Variants in SPOP observed in about 807,000 individuals in gnomAD.
The protein encoded by SPOP is speckle type BTB/POZ protein.
Under a neutral mutation model 45.6 loss-of-function variants are expected in SPOP, and 11 were observed. The observed-to-expected ratio is 0.24, with a 90% CI of 0.15 to 0.40. The LOEUF (loss-of-function observed/expected upper bound fraction) is 0.40. Among genes scored for constraint, SPOP ranks in the 10% least tolerant of loss-of-function variants. SPOP has a pLI of 1.00. For synonymous variants in SPOP, 166 were observed against 166.3 expected (o/e 1.00, Z 0.01); for missense variants, 152 against 465.6 (o/e 0.33, Z 6.20).
At chr17:49,609,660 T>G (rs573624198) in intron 6 of SPOP, among the ~76,000 whole-genome samples, 6 of 152,224 alleles carry the variant, frequency 3.9e-5, no homozygotes, top group African/African-American at 1.4e-4. Flanking sequence ...GTAGATCATG[T>G]AATTTTGAAA....
intron 6 of SPOP, among the ~76,000 whole-genome samples, chr17:49,608,565 TCTC>T (rs763785759): frequency 2.6e-5 from 4 of 152,236 alleles, no homozygotes; most frequent in Non-Finnish European, 4.4e-5. Context: ...ATTTTATTTC[TCTC>T]ATCAGGGAGA....
intron 6 of SPOP, 80 bp from the exon 7 acceptor site, chr17:49,608,009 C>G: frequency 7.7e-7 from 1 of 1,304,286 alleles, no homozygotes; most frequent in Non-Finnish European, 1.1e-6. Context: ...AGGGAGAGAT[C>G]ATTTTCTAAC....
intron 1 of SPOP, among the ~76,000 whole-genome samples, chr17:49,638,179 G>A (rs2072577743): frequency 6.6e-6 from 1 of 152,170 alleles, no homozygotes; most frequent in Non-Finnish European, 1.5e-5. Flanking sequence ...ACAGAAACTG[G>A]GATAAGAGAA....
chr17:49,635,885 C>T (rs745940335), intron 1 of SPOP, among the ~76,000 whole-genome samples: 3 of 151,998 alleles, frequency 2.0e-5, no homozygotes, highest in African/African-American at 7.2e-5. Flanking sequence ...CCACCTGCCT[C>T]GGCCTCTCAA....
chr17:49,639,536 A>G (rs1597954399), intron 1 of SPOP, among the ~76,000 whole-genome samples: 1 of 152,238 alleles, frequency 6.6e-6, no homozygotes. Context: ...ACAGAATGCT[A>G]TATGGCAATG....
chr17:49,663,088 C>A (rs1019578989), intron 1 of SPOP, among the ~76,000 whole-genome samples: 1 of 152,214 alleles, frequency 6.6e-6, no homozygotes, highest in Non-Finnish European at 1.5e-5. Flanking sequence ...GGGTCCCCAG[C>A]CCCAGGGCGG....
chr17:49,661,842 C>T (rs950128009), intron 1 of SPOP, among the ~76,000 whole-genome samples: 16 of 151,746 alleles, frequency 1.1e-4, no homozygotes, highest in African/African-American at 3.9e-4. Context: ...TGAGAAACCC[C>T]GCCTCTACTA....
intron 1 of SPOP, among the ~76,000 whole-genome samples, chr17:49,629,448 C>A (rs1000151724): frequency 2.0e-5 from 3 of 152,190 alleles, no homozygotes; most frequent in Non-Finnish European, 4.4e-5. Flanking sequence ...CCCGGTACCT[C>A]TAATCCCAGT....
intron 1 of SPOP, among the ~76,000 whole-genome samples, chr17:49,669,720 G>A (rs1160851041): frequency 7.8e-6 from 1 of 128,910 alleles, no homozygotes; most frequent in Non-Finnish European, 1.5e-5. Context: ...AGCCGAGATC[G>A]CACCACTGTA....
At chr17:49,601,444 A>C (rs2143106388) in intron 9 of SPOP, 2 of 154,636 alleles carry the variant, frequency 1.3e-5, no homozygotes, top group South Asian at 4.0e-4. Context: ...TTCTTTCTCA[A>C]AACAGTGAAA....
chr17:49,620,020 A>C (rs2072186103), intron 3 of SPOP, among the ~76,000 whole-genome samples: 1 of 152,026 alleles, frequency 6.6e-6, no homozygotes, highest in Non-Finnish European at 1.5e-5. Flanking sequence ...AAAGAAAAAA[A>C]CTAGTTGGGC....
intron 1 of SPOP, among the ~76,000 whole-genome samples, chr17:49,638,902 A>C (rs918337354): frequency 1.3e-5 from 2 of 152,200 alleles, no homozygotes; most frequent in African/African-American, 4.8e-5. Flanking sequence ...AATCCCAGCT[A>C]CTTGGGAGGC....
intron 1 of SPOP, among the ~76,000 whole-genome samples, chr17:49,644,341 C>T (rs2072714934): frequency 6.6e-6 from 1 of 152,134 alleles, no homozygotes; most frequent in African/African-American, 2.4e-5. Flanking sequence ...GAAGGTTTTC[C>T]TCATCCCTCT....
chr17:49,647,503 C>T (rs1443341332), intron 1 of SPOP, among the ~76,000 whole-genome samples: 2 of 151,598 alleles, frequency 1.3e-5, no homozygotes, highest in African/African-American at 4.9e-5. Context: ...GAGATGGAGA[C>T]AGAGTCTTGC....
intron 1 of SPOP, among the ~76,000 whole-genome samples, chr17:49,637,514 C>G (rs2072564192): frequency 6.6e-6 from 1 of 152,092 alleles, no homozygotes; most frequent in Non-Finnish European, 1.5e-5. Flanking sequence ...CCACGCCTGG[C>G]TAATTTTTGT....
At chr17:49,667,677 T>C (rs2073080950) in intron 1 of SPOP, among the ~76,000 whole-genome samples, 2 of 152,328 alleles carry the variant, frequency 1.3e-5, no homozygotes, top group South Asian at 4.1e-4. Flanking sequence ...TCAGCCACTA[T>C]GGAAAACAGT....
At chr17:49,613,512 T>C (rs1207251634) in intron 5 of SPOP, among the ~76,000 whole-genome samples, 1 of 152,170 alleles carries the variant, frequency 6.6e-6, no homozygotes, top group Non-Finnish European at 1.5e-5. Context: ...AATCAAACCA[T>C]AGTTACCAGT....
rs774236508 is a variant in SPOP, at chr17:49,669,061, C to T, written c.-67+8872G>A. On this transcript the variant is annotated intron_variant, in intron 1 of 9. Transcript: ENST00000504102. ...AAAGTGCTGGGATTACAGGCGCGAG[C>T]CACCGCGCCCGGCCTTTTTTTTTTG... Among the ~76,000 whole-genome samples the T allele has an allele frequency of 9.6e-5, 12 of 125,458 alleles. No individual in the cohort carries two copies. The Admixed American group carries it at 1.0e-3, about 11-fold the overall frequency. 82.3% of individuals were successfully genotyped at this position (125,458 alleles called of 152,430 possible).
At chr17:49,656,750 T>G (rs2072917904) in intron 1 of SPOP, among the ~76,000 whole-genome samples, 1 of 152,216 alleles carries the variant, frequency 6.6e-6, no homozygotes, top group Admixed American at 6.5e-5. Flanking sequence ...CCAATTAACG[T>G]AGGATGCCCA....
Sources: allele counts gnomAD v4.1 joint callset (sites outside exome capture counted in the v4.1 genomes callset), GRCh38; gene constraint gnomAD v4.1.1; transcripts MANE v1.5; gene names NCBI Gene and HGNC (gene_info 2026-07-23, HGNC 2026-07-21).